Variants in FRMD3 observed in about 807,000 individuals in gnomAD.
The protein encoded by FRMD3 is FERM domain-containing protein 3.
FRMD3 carries 33 observed loss-of-function variants against 70.2 expected under a neutral mutation model. That is an observed-to-expected ratio of 0.47 (90% CI 0.36 to 0.63). The LOEUF is 0.63. FRMD3 is among the 20% of genes least tolerant of loss of function. FRMD3 has a pLI of 0.00. For synonymous variants in FRMD3, 279 were observed against 255.9 expected (o/e 1.09, Z -0.86); for missense variants, 632 against 711.4 (o/e 0.89, Z 1.27).
intron 1 of FRMD3, among the ~76,000 whole-genome samples, chr9:83,452,400 T>C (rs10868011): frequency 0.24 from 36,662 of 152,080 alleles, 4,453 homozygotes; most frequent in Non-Finnish European, 0.26. Flanking sequence ...AATTAGTTGG[T>C]CTAATTTCAA....
intron 1 of FRMD3, among the ~76,000 whole-genome samples, chr9:83,494,977 A>G (rs1828912024): frequency 6.6e-6 from 1 of 152,100 alleles, no homozygotes; most frequent in Non-Finnish European, 1.5e-5. Flanking sequence ...AATGTCATCA[A>G]TTTTTCTTAG....
At chr9:83,430,848 T>C (rs1488343480) in intron 1 of FRMD3, among the ~76,000 whole-genome samples, 2 of 152,250 alleles carry the variant, frequency 1.3e-5, no homozygotes, top group Non-Finnish European at 2.9e-5. Context: ...GGGAGCTGGC[T>C]GGAGAGGAGT....
chr9:83,367,853 G>T (rs1353311054), intron 3 of FRMD3, among the ~76,000 whole-genome samples: 1 of 152,148 alleles, frequency 6.6e-6, no homozygotes, highest in Non-Finnish European at 1.5e-5. Context: ...GAGTTGTTCT[G>T]CAGGATCTGT....
chr9:83,373,685 T>C (rs3860905), intron 2 of FRMD3, among the ~76,000 whole-genome samples: 107,148 of 151,798 alleles, frequency 0.71, 38,077 homozygotes, highest in Admixed American at 0.74. Context: ...GCTTTTGAGA[T>C]CACTAACCAT....
chr9:83,448,359 T>G (rs2131409068), intron 1 of FRMD3, among the ~76,000 whole-genome samples: 1 of 152,262 alleles, frequency 6.6e-6, no homozygotes, highest in East Asian at 1.9e-4. Flanking sequence ...ATCCCAACCC[T>G]ATCATGGCAT....
At chr9:83,584,007 A>G in the FRMD3 span, among the ~76,000 whole-genome samples, 1 of 151,944 alleles carries the variant, frequency 6.6e-6, no homozygotes, top group Non-Finnish European at 1.5e-5. Context: ...CTTCTGCCTG[A>G]CTTCCAAGTG....
chr9:83,486,587 C>T (rs1012390811), intron 1 of FRMD3, among the ~76,000 whole-genome samples: 8 of 152,170 alleles, frequency 5.3e-5, no homozygotes, highest in African/African-American at 1.7e-4. Flanking sequence ...TTAGGAAATA[C>T]ATTTCTCAAC....
the FRMD3 span, among the ~76,000 whole-genome samples, chr9:83,553,083 GT>G: frequency 2.6e-5 from 4 of 151,970 alleles, no homozygotes; most frequent in African/African-American, 9.7e-5. Flanking sequence ...AGTTACTCTG[GT>G]CTGTATGTTT....
intron 2 of FRMD3, among the ~76,000 whole-genome samples, chr9:83,374,410 C>G (rs1825078929): frequency 6.6e-6 from 1 of 150,678 alleles, no homozygotes; most frequent in South Asian, 2.1e-4. Context: ...TTTACCCCGA[C>G]CAGGTTGCAC....
chr9:83,446,870 TTA>T (rs1457869285), intron 1 of FRMD3, among the ~76,000 whole-genome samples: 3 of 152,182 alleles, frequency 2.0e-5, no homozygotes, highest in Non-Finnish European at 4.4e-5. Flanking sequence ...TCTAATTTAT[TTA>T]TAATCGAGTA....
intron 6 of FRMD3, chr9:83,332,013 T>C: frequency 1.5e-6 from 1 of 654,746 alleles, no homozygotes; most frequent in Non-Finnish European, 2.8e-6. Context: ...CAAATCCAAG[T>C]TTCTGACTTC....
rs556453806 is a variant in FRMD3, at chr9:83,451,420, C to T, written c.148-61712G>A. 9.5e-5 allele frequency among the ~76,000 whole-genome samples: 14 copies of T among 147,798 alleles called. No individual in the cohort carries two copies. In the East Asian group the frequency reaches 2.4e-3, roughly 25 times the overall value. ...ACACACACACACACACACACACACA[C>T]GGAAGTACTGACTAGTCCCTCCCAT... On this transcript the variant is annotated intron_variant, in intron 1 of 13. Transcript: ENST00000304195.
intron 10 of FRMD3, among the ~76,000 whole-genome samples, chr9:83,300,761 C>A (rs183433568): frequency 2.6e-5 from 4 of 152,216 alleles, no homozygotes; most frequent in African/African-American, 9.6e-5. Context: ...TATTACTACA[C>A]ACACACATAT....
At chr9:83,486,079 C>A (rs1402026417) in intron 1 of FRMD3, among the ~76,000 whole-genome samples, 1 of 151,800 alleles carries the variant, frequency 6.6e-6, no homozygotes, top group African/African-American at 2.4e-5. Flanking sequence ...AATGAACAAT[C>A]CTGCAGCAGA....
intron 1 of FRMD3, among the ~76,000 whole-genome samples, chr9:83,458,387 A>C (rs553640832): frequency 6.6e-6 from 1 of 152,370 alleles, no homozygotes; most frequent in South Asian, 2.1e-4. Context: ...ATTGACAGGC[A>C]TATCTGTTGG....
chr9:83,347,472 A>G (rs536207594), intron 4 of FRMD3, among the ~76,000 whole-genome samples: 1 of 152,358 alleles, frequency 6.6e-6, no homozygotes, highest in South Asian at 2.1e-4. Context: ...AAAAATTAAA[A>G]TCAACATTCT....
rs570206545 is a variant in FRMD3, at chr9:83,446,005, T to C, written c.148-56297A>G. Among the ~76,000 whole-genome samples the C allele has an allele frequency of 5.3e-5, 8 of 152,336 alleles. No homozygotes were observed. In the East Asian group the frequency reaches 1.4e-3, roughly 26 times the overall value. The stretch of plus-strand genomic sequence containing the variant: ...AGAATGACCCTGTATGTTTCTGTTA[T>C]TCTCCTTACTCCATAAATATGAGAA... On this transcript the variant is annotated intron_variant, in intron 1 of 13. Transcript: ENST00000304195.
chr9:83,349,619 A>C (rs1824077303), intron 4 of FRMD3, 60 bp downstream of exon 4: 3 of 1,264,084 alleles, frequency 2.4e-6, no homozygotes, highest in Non-Finnish European at 3.4e-6. Context: ...AGCCTGCAAG[A>C]CCAAAGAGAT....
chr9:83,300,770 A>AT (rs1036925993), intron 10 of FRMD3, among the ~76,000 whole-genome samples: 8 of 152,088 alleles, frequency 5.3e-5, no homozygotes, highest in African/African-American at 9.7e-5. Flanking sequence ...ACACACACAT[A>AT]TTTTTTTTCC....
Sources: allele counts gnomAD v4.1 joint callset (sites outside exome capture counted in the v4.1 genomes callset), GRCh38; gene constraint gnomAD v4.1.1; transcripts MANE v1.5; gene names NCBI Gene and HGNC (gene_info 2026-07-23, HGNC 2026-07-21).